NKAIN2: variants seen among roughly 807,000 people sequenced by gnomAD.
NKAIN2 encodes the protein sodium/potassium-transporting ATPase subunit beta-1-interacting protein 2.
A neutral mutation model predicts 32.6 loss-of-function variants in NKAIN2; 14 were observed. The observed-to-expected ratio is 0.43, with a 90% CI of 0.28 to 0.67. The LOEUF is 0.67. NKAIN2 is among the 30% of genes least tolerant of loss of function. The pLI, the probability that NKAIN2 is intolerant of heterozygous loss-of-function variation, is 0.17. For synonymous variants in NKAIN2, 80 were observed against 87.2 expected (o/e 0.92, Z 0.46); for missense variants, 198 against 258.3 (o/e 0.77, Z 1.60).
chr6:123,881,887 A>C (rs1023161437), intron 1 of NKAIN2, among the ~76,000 whole-genome samples: 2 of 152,164 alleles, frequency 1.3e-5, no homozygotes, highest in Non-Finnish European at 2.9e-5. Context: ...TATTCTGTAG[A>C]TCTTTAACAT....
intron 1 of NKAIN2, among the ~76,000 whole-genome samples, chr6:123,858,339 C>G (rs1028344689): frequency 6.6e-6 from 1 of 152,114 alleles, no homozygotes; most frequent in African/African-American, 2.4e-5. Flanking sequence ...TGGTCTCAAA[C>G]TCCCGACCTC....
intron 1 of NKAIN2, among the ~76,000 whole-genome samples, chr6:123,954,685 C>T (rs1777484449): frequency 6.6e-6 from 1 of 152,164 alleles, no homozygotes; most frequent in African/African-American, 2.4e-5. Flanking sequence ...ACTTTATCTA[C>T]CTCCACCTAT....
intron 3 of NKAIN2, among the ~76,000 whole-genome samples, chr6:124,565,583 G>A (rs777006648): frequency 5.9e-5 from 9 of 152,126 alleles, no homozygotes; most frequent in Admixed American, 2.6e-4. Context: ...CCCTGATTCC[G>A]TGCGAAACAC....
At chr6:124,821,097 G>T (rs1032652850) in intron 6 of NKAIN2, among the ~76,000 whole-genome samples, 1 of 151,964 alleles carries the variant, frequency 6.6e-6, no homozygotes, top group African/African-American at 2.4e-5. Flanking sequence ...GAGTTCGAGA[G>T]CAGCCTGGCC....
At chr6:124,070,965 C>T (rs988516387) in intron 1 of NKAIN2, among the ~76,000 whole-genome samples, 2 of 152,138 alleles carry the variant, frequency 1.3e-5, no homozygotes, top group African/African-American at 4.8e-5. Context: ...GAATTATACA[C>T]ACTGCCTTTG....
rs183389458 is a variant in NKAIN2 at position 124,362,225 on chromosome 6, A to G, written c.273+6878A>G. Among the ~76,000 whole-genome samples, 20 of 152,212 alleles carry G rather than the reference A, an allele frequency of 1.3e-4. No individual in the cohort carries two copies. In the East Asian group the frequency reaches 3.1e-3, roughly 23 times the overall value. On this transcript the variant is annotated intron_variant, in intron 3 of 6. Transcript: ENST00000368417. ...ATATCTGAGAAAATTTCAATTAACT[A>G]TTACTAAAGTAATTAGAAAAAATTT...
intron 1 of NKAIN2, among the ~76,000 whole-genome samples, chr6:124,134,191 A>C (rs1786617139): frequency 2.0e-5 from 3 of 152,154 alleles, no homozygotes; most frequent in Non-Finnish European, 2.9e-5. Context: ...GCTTTTCCTA[A>C]AGACAAAACA....
At chr6:123,816,693 G>T (rs1773707443) in intron 1 of NKAIN2, among the ~76,000 whole-genome samples, 1 of 152,162 alleles carries the variant, frequency 6.6e-6, no homozygotes, top group Non-Finnish European at 1.5e-5. Flanking sequence ...GGGGTAGTTA[G>T]ATGATTGAAA....
intron 1 of NKAIN2, among the ~76,000 whole-genome samples, chr6:124,220,809 T>G (rs1325585694): frequency 6.6e-6 from 1 of 152,086 alleles, no homozygotes; most frequent in Non-Finnish European, 1.5e-5. Context: ...CTAGAATAAT[T>G]CCTGGGATAT....
intron 4 of NKAIN2, among the ~76,000 whole-genome samples, chr6:124,767,808 T>C (rs956426018): frequency 1.2e-4 from 18 of 152,190 alleles, no homozygotes; most frequent in African/African-American, 4.1e-4. Flanking sequence ...CATTTATTTA[T>C]TGGTCCATTC....
chr6:124,381,748 C>A lies in NKAIN2; in HGVS notation c.273+26401C>A, dbSNP rs2114375366. ...TGAGAACTTTTAAAAATGGAAGTTT[C>A]TTGTATTCTTTAATGACAAAATAAT... On this transcript the variant is annotated intron_variant, in intron 3 of 6. Transcript: ENST00000368417. Among the ~76,000 whole-genome samples, 3 of 152,234 alleles carry A rather than the reference C, an allele frequency of 2.0e-5. No homozygotes were observed. In the South Asian group the frequency reaches 6.2e-4, roughly 32 times the overall value.
In NKAIN2 at chr6:123,934,741, A is replaced by G. The variant is rs190626253; in HGVS notation, c.54+130487A>G. ...CTTTTCAGGAAGGAATTTACATTCA[A>G]AATGTATTTTTGGCCAGTCACCGTG... On this transcript the variant is annotated intron_variant, in intron 1 of 6. Coordinates refer to ENST00000368417, the MANE Select transcript of NKAIN2 (RefSeq NM_001040214.3). Among the ~76,000 whole-genome samples, 71 of 152,246 alleles carry G rather than the reference A, an allele frequency of 4.7e-4. 1 individual carries two copies. Among genetic ancestry groups the G allele is most frequent in the African/African-American group, 1.6e-3 (68 of 41,574 alleles).
At chr6:124,113,131 A>G (rs1367716624) in intron 1 of NKAIN2, among the ~76,000 whole-genome samples, 1 of 152,022 alleles carries the variant, frequency 6.6e-6, no homozygotes, top group Non-Finnish European at 1.5e-5. Context: ...AGACACCTCT[A>G]TCAGTCTTTA....
At chr6:124,199,302 C>G (rs802279) in intron 1 of NKAIN2, among the ~76,000 whole-genome samples, 87,721 of 151,944 alleles carry the variant, frequency 0.58, 27,879 homozygotes, top group Non-Finnish European at 0.71. Flanking sequence ...TGAATTGATA[C>G]GGTGTAATCT....
At chr6:124,555,650 A>G (rs1329495192) in intron 3 of NKAIN2, among the ~76,000 whole-genome samples, 1 of 152,166 alleles carries the variant, frequency 6.6e-6, no homozygotes, top group Non-Finnish European at 1.5e-5. Context: ...TGCTTCAAGT[A>G]TCCCAGTTTT....
At chr6:124,715,370 T>TC (rs1775700685) in intron 4 of NKAIN2, among the ~76,000 whole-genome samples, 3 of 152,172 alleles carry the variant, frequency 2.0e-5, no homozygotes, top group Admixed American at 2.0e-4. Context: ...ACCTCATTGT[T>TC]CACGCGTCTT....
At chr6:123,954,100 C>A (rs1777455093) in intron 1 of NKAIN2, among the ~76,000 whole-genome samples, 1 of 152,192 alleles carries the variant, frequency 6.6e-6, no homozygotes, top group African/African-American at 2.4e-5. Context: ...GAGGCAGCAG[C>A]CAGCTGCAGC....
At chr6:124,612,499 T>C (rs2114999990) in intron 3 of NKAIN2, among the ~76,000 whole-genome samples, 1 of 152,284 alleles carries the variant, frequency 6.6e-6, no homozygotes, top group South Asian at 2.1e-4. Context: ...ACAGGGGAAC[T>C]CTATGTGGAG....
chr6:124,340,164 C>A (rs547570538), intron 2 of NKAIN2, among the ~76,000 whole-genome samples: 2 of 151,990 alleles, frequency 1.3e-5, no homozygotes, highest in Non-Finnish European at 2.9e-5. Context: ...ATTTTGATGC[C>A]ACTTCTAAAA....
Sources: gnomAD v4.1 joint callset for allele counts (sites outside exome capture counted in the v4.1 genomes callset) on GRCh38, gnomAD v4.1.1 for gene constraint, MANE v1.5 for transcripts, NCBI Gene and HGNC (gene_info 2026-07-23, HGNC 2026-07-21) for gene names.